The following GLRA2 variants were observed in gnomAD, a reference collection of about 807,000 sequenced individuals.
GLRA2 encodes the protein glycine receptor alpha 2.
GLRA2 carries 11 observed loss-of-function variants against 31.6 expected under a neutral mutation model. That is an observed-to-expected ratio of 0.35 (90% CI 0.22 to 0.58). The LOEUF is 0.58. GLRA2 is among the 20% of genes least tolerant of loss of function. The probability of loss-of-function intolerance (pLI) is 0.84; values close to 1 mark genes in which losing one functional copy is unlikely to be tolerated. For synonymous variants in GLRA2, 132 were observed against 134.0 expected (o/e 0.99, Z 0.10); for missense variants, 212 against 351.8 (o/e 0.60, Z 3.18).
intron 7 of GLRA2, among the ~76,000 whole-genome samples, chrX:14,674,314 A>G (rs1369955695): frequency 8.9e-6 from 1 of 112,519 alleles, no homozygotes; most frequent in African/African-American, 3.2e-5. Flanking sequence ...ATGTGAATTT[A>G]AAGCAAAGCA....
At chrX:14,664,006 A>G (rs774719992) in intron 7 of GLRA2, among the ~76,000 whole-genome samples, 7 of 111,516 alleles carry the variant, frequency 6.3e-5, no homozygotes, top group Non-Finnish European at 1.3e-4. Flanking sequence ...TTAAAAAGCT[A>G]GTTCTTCATT....
chrX:14,453,242 A>C, the GLRA2 span, among the ~76,000 whole-genome samples: 1 of 111,875 alleles, frequency 8.9e-6, no homozygotes, highest in South Asian at 3.8e-4. Flanking sequence ...ATGATTCTCA[A>C]ACAGGGAAGA....
chrX:14,620,144 T>C lies in GLRA2; in HGVS notation c.930+10939T>C, dbSNP rs142058097. 3.2e-3 allele frequency among the ~76,000 whole-genome samples: 352 copies of C among 110,296 alleles called. 1 individual carries two copies. Among genetic ancestry groups the C allele is most frequent in the African/African-American group, 0.011 (339 of 30,342 alleles). On this transcript the variant is annotated intron_variant, in intron 7 of 8. Transcript: ENST00000218075. ...CATTTCTTTTTCTTTGATATATATT[T>C]CTTACAGAGTAATCTAATCAAAGAT...
chrX:14,476,032 C>T, the GLRA2 span, among the ~76,000 whole-genome samples: 1 of 111,492 alleles, frequency 9.0e-6, no homozygotes, highest in Non-Finnish European at 1.9e-5. Flanking sequence ...CTTGTTAAAG[C>T]ACAAGTTTCT....
the GLRA2 span, among the ~76,000 whole-genome samples, chrX:14,456,992 C>T: frequency 9.0e-6 from 1 of 111,685 alleles, no homozygotes; most frequent in Non-Finnish European, 1.9e-5. Flanking sequence ...TAAAAGGGTT[C>T]CTTTTTCTCC....
At chrX:14,721,822 C>G (rs752012553) in intron 8 of GLRA2, among the ~76,000 whole-genome samples, 1 of 111,496 alleles carries the variant, frequency 9.0e-6, no homozygotes, top group East Asian at 2.8e-4. Flanking sequence ...AGCTAAAAGC[C>G]AAGCAGCATC....
chrX:14,696,056 G>A (rs1233321328), intron 8 of GLRA2, among the ~76,000 whole-genome samples: 1 of 110,004 alleles, frequency 9.1e-6, no homozygotes, highest in Non-Finnish European at 1.9e-5. Flanking sequence ...TACAATTGAA[G>A]TTTTGCCAAA....
intron 7 of GLRA2, among the ~76,000 whole-genome samples, chrX:14,681,513 C>A (rs1004194091): frequency 9.0e-6 from 1 of 111,074 alleles, no homozygotes; most frequent in Non-Finnish European, 1.9e-5. Flanking sequence ...GCTGGTGATA[C>A]AAAGTAATAC....
intron 2 of GLRA2, among the ~76,000 whole-genome samples, chrX:14,560,255 A>G (rs1033825214): frequency 8.9e-6 from 1 of 112,625 alleles, no homozygotes; most frequent in Non-Finnish European, 1.9e-5. Context: ...GTACTTGAAG[A>G]CACATTAAGT....
chrX:14,581,766 GCACACACA>G (rs57962541), intron 4 of GLRA2, among the ~76,000 whole-genome samples: 175 of 90,871 alleles, frequency 1.9e-3, no homozygotes, highest in Middle Eastern at 0.012. Context: ...ATTCAAGCAT[GCACACACA>G]CACACACACA....
At chrX:14,518,969 G>T in the GLRA2 span, among the ~76,000 whole-genome samples, 7 of 92,271 alleles carry the variant, frequency 7.6e-5, no homozygotes, top group East Asian at 2.4e-3. Context: ...TCGAGATTGC[G>T]CCACTGCACT....
intron 2 of GLRA2, among the ~76,000 whole-genome samples, chrX:14,565,447 T>A (rs1183939755): frequency 9.0e-6 from 1 of 111,558 alleles, no homozygotes; most frequent in Non-Finnish European, 1.9e-5. Context: ...TGTTGAAGTC[T>A]CCAACTATTA....
chrX:14,634,384 T>C (rs1299460895), intron 7 of GLRA2, among the ~76,000 whole-genome samples: 1 of 112,297 alleles, frequency 8.9e-6, no homozygotes, highest in African/African-American at 3.2e-5. Context: ...ATGTTGATTA[T>C]ACTAAGGAGT....
At chrX:14,547,175 C>G (rs2089493617) in intron 2 of GLRA2, among the ~76,000 whole-genome samples, 1 of 111,113 alleles carries the variant, frequency 9.0e-6, no homozygotes, top group African/African-American at 3.3e-5. Flanking sequence ...TAAAGGAAAG[C>G]TAAGATCAAA....
intron 2 of GLRA2, among the ~76,000 whole-genome samples, chrX:14,571,296 A>C (rs1217324234): frequency 8.9e-6 from 1 of 112,012 alleles, no homozygotes; most frequent in Non-Finnish European, 1.9e-5. Context: ...ATCTAAGAAC[A>C]TGTCCCTGTC....
chrX:14,595,947 TGGTGCCC>T (rs113029817), intron 4 of GLRA2, among the ~76,000 whole-genome samples: 3 of 112,084 alleles, frequency 2.7e-5, no homozygotes, highest in African/African-American at 9.7e-5. Flanking sequence ...GTCTGGTGCC[TGGTGCCC>T]AATAAATATT....
intron 7 of GLRA2, among the ~76,000 whole-genome samples, chrX:14,670,704 C>T (rs759633570): frequency 1.8e-5 from 2 of 111,574 alleles, no homozygotes; most frequent in Non-Finnish European, 3.8e-5. Flanking sequence ...CCAGGTCCCT[C>T]CCATAACACA....
chrX:14,557,177 G>A (rs924624553), intron 2 of GLRA2, among the ~76,000 whole-genome samples: 3 of 85,468 alleles, frequency 3.5e-5, no homozygotes, highest in Admixed American at 3.0e-4. Flanking sequence ...GTGCAGTGGC[G>A]CGATCTCGGC....
chrX:14,617,674 TATCTC>T (rs1187052592), intron 7 of GLRA2, among the ~76,000 whole-genome samples: 1 of 112,020 alleles, frequency 8.9e-6, no homozygotes, highest in Non-Finnish European at 1.9e-5. Context: ...ATGGCCCAGT[TATCTC>T]AACCACCAGG....
Sources: allele counts gnomAD v4.1 joint callset (sites outside exome capture counted in the v4.1 genomes callset), GRCh38; gene constraint gnomAD v4.1.1; transcripts MANE v1.5; gene names NCBI Gene and HGNC (gene_info 2026-07-23, HGNC 2026-07-21).